The following UBA5 variants were observed in gnomAD, a reference collection of about 807,000 sequenced individuals.
UBA5 encodes ubiquitin-like modifier-activating enzyme 5.
Under a neutral mutation model 52.9 loss-of-function variants are expected in UBA5, and 28 were observed. That is an observed-to-expected ratio of 0.53 (90% CI 0.39 to 0.73). The LOEUF (loss-of-function observed/expected upper bound fraction) is 0.73, where lower values mean the gene tolerates loss of function less well. UBA5 is among the 30% of genes least tolerant of loss of function. The pLI, the probability that UBA5 is intolerant of heterozygous loss-of-function variation, is 0.00. For missense variants in UBA5, 388 were observed against 492.7 expected, an observed-to-expected ratio of 0.79 and a Z score of 2.01; for synonymous variants, 135 against 162.1, an observed-to-expected ratio of 0.83 and a Z score of 1.27.
chr3:132,660,491 G>A lies in UBA5; in HGVS notation c.-47G>A, dbSNP rs1938089753. On this transcript the variant is annotated 5_prime_UTR_variant, in exon 1 of 12. Coordinates refer to ENST00000356232, the MANE Select transcript of UBA5 (RefSeq NM_024818.6). The surrounding 1 kb of genome is among the most constrained non-coding windows in gnomAD (Gnocchi z 4.1). The stretch of plus-strand genomic sequence containing the variant: ...CAGCCGAGCAACGTGGGGCGAAGGC[G>A]GCGGCGAAGGCCCGGGCTGGGAGCG... 1 of 1,542,396 alleles carries A rather than the reference G, an allele frequency of 6.5e-7. No individual in the cohort carries two copies. The highest frequency in any genetic ancestry group is 8.7e-7 in the Non-Finnish European group (1 of 1,145,518).
chr3:132,671,059 C>G lies in UBA5; in HGVS notation c.579+10C>G. ...AATGACAATAAATACAGTGAGTATT[C>G]CTGCTGTGCAAGATATATTCATGGA... On this transcript the variant is annotated intron_variant, in intron 6 of 11. Coordinates refer to ENST00000356232, the MANE Select transcript of UBA5 (RefSeq NM_024818.6). The G allele has an allele frequency of 6.2e-7, 1 of 1,602,292 alleles. No homozygotes were observed. Among genetic ancestry groups the G allele is most frequent in the Non-Finnish European group, 8.5e-7 (1 of 1,170,024 alleles).
chr3:132,654,531 C>T (rs1310231419), exon 1 of UBA5: 1 of 152,180 alleles, frequency 6.6e-6, no homozygotes, highest in East Asian at 1.9e-4. Context: ...AAGATAATGG[C>T]CATGGAGATG....
intron 8 of UBA5, 106 bp from the exon 9 acceptor site, chr3:132,675,138 TAAAA>T: frequency 1.2e-6 from 1 of 814,512 alleles, no homozygotes; most frequent in Non-Finnish European, 1.9e-6. Context: ...GTTTTCTGGT[TAAAA>T]AAAATATATA....
chr3:132,672,261 A>G (rs1938637237), intron 8 of UBA5, 84 bp downstream of exon 8: 4 of 1,460,118 alleles, frequency 2.7e-6, no homozygotes, highest in Non-Finnish European at 3.7e-6. Context: ...CAGAAACTGA[A>G]ATTACAAGCT....
In UBA5 at chr3:132,665,778, C is replaced by A. The variant is rs754466338; in HGVS notation, c.162-45C>A. The A allele has an allele frequency of 2.7e-5, 43 of 1,563,686 alleles. No homozygotes were observed. In the Middle Eastern group the frequency reaches 5.8e-4, roughly 21 times the overall value. ...TGTATGTCTATTTGTATTACTAATA[C>A]CTAAAAGACTGTAAGCTTTAAAACA... On this transcript the variant is annotated intron_variant, in intron 1 of 11. Coordinates refer to ENST00000356232, the MANE Select transcript of UBA5 (RefSeq NM_024818.6).
At chr3:132,660,044 G>T, upstream of UBA5, 1 of 389,804 alleles carries the variant, frequency 2.6e-6, no homozygotes, top group Non-Finnish European at 4.6e-6. This position sits in a 1 kb window ranked among gnomAD's most constrained non-coding sequence, Gnocchi z 4.1. Flanking sequence ...CATGGTCATC[G>T]TTGCGGGTAA....
rs35066291 is a variant in UBA5 at position 132,673,665 on chromosome 3, C to CTT, written c.812+1503_812+1504dup. On this transcript the variant is annotated intron_variant, in intron 8 of 11. Coordinates refer to ENST00000356232, the MANE Select transcript of UBA5 (RefSeq NM_024818.6). ...GCCCAGCCTAGAGTTTTCTATAGTA[C>CTT]TTTTTTTTTTTTTTTTAAACAGGGT... Among the ~76,000 whole-genome samples the CTT allele has an allele frequency of 7.2e-3, 1,018 of 141,434 alleles. 8 individuals are homozygous for CTT. The highest frequency in any genetic ancestry group is 0.025 in the African/African-American group (946 of 38,518). 92.8% of individuals were successfully genotyped at this position (141,434 alleles called of 152,430 possible).
upstream of UBA5, among the ~76,000 whole-genome samples, chr3:132,656,862 TA>T (rs1346618353): frequency 6.7e-5 from 10 of 150,358 alleles, no homozygotes; most frequent in Non-Finnish European, 1.2e-4. Context: ...TTTTTTTTTT[TA>T]ATTTGCATTT....
Position 132,665,843 on chromosome 3 carries a change from GA to G in UBA5, c.184del (p.Met62TrpfsTer4). On this transcript the variant is annotated frameshift_variant, in exon 2 of 12. Transcript: ENST00000356232. LOFTEE classifies it high-confidence loss of function. The stretch of plus-strand genomic sequence containing the variant: ...TTAAGCCGCTTGATGGCATTGAAAC[GA>G]ATGGGAATTGTAAGCGACTATGAGG... ...NPYSRLMALK[R>X]MGIVSDYEKI... 1 of 1,613,214 alleles carries G rather than the reference GA, an allele frequency of 6.2e-7. No homozygotes were observed. The highest frequency in any genetic ancestry group is 8.5e-7 in the Non-Finnish European group (1 of 1,179,382).
chr3:132,666,245 T>C, intron 3 of UBA5, 172 bp downstream of exon 3: 1 of 579,650 alleles, frequency 1.7e-6, no homozygotes, highest in Non-Finnish European at 3.0e-6. Context: ...CAAAAGGTGA[T>C]ATTAGACAAA....
At chr3:132,673,840 T>C (rs1452806213) in intron 8 of UBA5, among the ~76,000 whole-genome samples, 2 of 152,108 alleles carry the variant, frequency 1.3e-5, no homozygotes, top group Middle Eastern at 3.2e-3. Flanking sequence ...AATGTTTTTG[T>C]ATTTTTTGTA....
At chr3:132,658,999 T>A (rs1937977872), upstream of UBA5, among the ~76,000 whole-genome samples, 1 of 152,186 alleles carries the variant, frequency 6.6e-6, no homozygotes, top group African/African-American at 2.4e-5. Context: ...ACAATGTTAT[T>A]TTTAGAATAA....
intron 1 of UBA5, among the ~76,000 whole-genome samples, chr3:132,654,943 T>G (rs1384577851): frequency 1.3e-5 from 2 of 152,254 alleles, no homozygotes; most frequent in African/African-American, 4.8e-5. Flanking sequence ...TACAGCCTGC[T>G]GCTCCTAGGC....
intron 6 of UBA5, 149 bp downstream of exon 6, chr3:132,671,198 A>T: frequency 3.1e-6 from 2 of 649,182 alleles, no homozygotes; most frequent in Non-Finnish European, 5.2e-6. Context: ...CTACTCTTAA[A>T]ATCTATTCTA....
At chr3:132,661,391 T>C (rs2107924251) in intron 1 of UBA5, among the ~76,000 whole-genome samples, 1 of 152,346 alleles carries the variant, frequency 6.6e-6, no homozygotes, top group African/African-American at 2.4e-5. Flanking sequence ...GTAATATCTA[T>C]CTCTGTCATA....
chr3:132,676,519 A>C lies in UBA5; in HGVS notation c.1208A>C (p.Asn403Thr), dbSNP rs144072225. 3.1e-6 allele frequency: 5 copies of C among 1,604,140 alleles called. No individual in the cohort carries two copies. The highest frequency in any genetic ancestry group is 4.3e-6 in the Non-Finnish European group (5 of 1,173,582). Residue 403 changes from asparagine to threonine, a missense_variant, in exon 12 of 12, where the codon AAT becomes ACT. Asn to Thr is a moderately conservative substitution (Grantham distance 65). Transcript: ENST00000356232. The surrounding 1 kb of genome is among the most constrained non-coding windows in gnomAD (Gnocchi z 4.1). ...SLEDLMAKMK[N>T]M is the part of the protein sequence containing the mutation. ...GAAGACCTCATGGCCAAAATGAAGA[A>C]TATGTAGATAATGGACTGGGATATA... is the stretch of plus-strand genomic sequence containing the variant.
chr3:132,677,908 G>T lies in UBA5; in HGVS notation c.*1382G>T, dbSNP rs1032117414. 6.6e-6 allele frequency: 1 copy of T among 152,100 alleles called. No individual in the cohort carries two copies. The highest frequency in any genetic ancestry group is 2.4e-5 in the African/African-American group (1 of 41,432). 9.4% of individuals were successfully genotyped at this position (152,100 alleles called of 1,614,324 possible). A position where few individuals can be genotyped will look rare whatever the true frequency, so the allele number is the denominator to read the frequency against. ...TTTTTTAGCCTGGAAACTTATTTATGTTGCCTTGGTGAGTCTTCTATCATT... is the reference window on the plus strand; with the variant it reads ...TTTTTTAGCCTGGAAACTTATTTATTTTGCCTTGGTGAGTCTTCTATCATT... On this transcript the variant is annotated 3_prime_UTR_variant, in exon 12 of 12. Transcript: ENST00000356232.
chr3:132,672,987 A>T (rs1266837417), intron 8 of UBA5, among the ~76,000 whole-genome samples: 3 of 152,174 alleles, frequency 2.0e-5, no homozygotes, highest in African/African-American at 7.2e-5. Flanking sequence ...AGCCTCCAAT[A>T]TAATAAGAAC....
chr3:132,679,185 T>C lies in UBA5; in HGVS notation c.*2659T>C, dbSNP rs1938952617. ...TAGGAGGCTGAGGCAGGAGAATCGC[T>C]TGAACCTGGGAGGCAGAGGTTGCAG... is the stretch of plus-strand genomic sequence containing the variant. On this transcript the variant is annotated 3_prime_UTR_variant, in exon 12 of 12. Coordinates refer to ENST00000356232, the MANE Select transcript of UBA5 (RefSeq NM_024818.6). Among the ~76,000 whole-genome samples, 1 of 151,886 alleles carries C rather than the reference T, an allele frequency of 6.6e-6. No individual in the cohort carries two copies.
Sources: allele counts gnomAD v4.1 joint callset (sites outside exome capture counted in the v4.1 genomes callset), GRCh38; gene constraint gnomAD v4.1.1; non-coding constraint Gnocchi (gnomAD v3.1); transcripts MANE v1.5; gene names NCBI Gene and HGNC (gene_info 2026-07-23, HGNC 2026-07-21).